SAMD13: variants seen among roughly 807,000 people sequenced by gnomAD.
SAMD13 encodes the protein sterile alpha motif domain-containing protein 13.
In SAMD13, 9 loss-of-function variants were observed where a neutral mutation model predicts 12.4. The ratio of observed to expected loss-of-function variants is 0.72; its 90% CI spans 0.44 to 1.26. The LOEUF (loss-of-function observed/expected upper bound fraction) is 1.26, where lower values mean the gene tolerates loss of function less well. Among genes scored for constraint, SAMD13 ranks in the 50% most tolerant of loss-of-function variants. The pLI, the probability that SAMD13 is intolerant of heterozygous loss-of-function variation, is 0.00. For synonymous variants in SAMD13, 46 were observed against 45.4 expected (o/e 1.01, Z -0.05); for missense variants, 84 against 119.6 (o/e 0.70, Z 1.39).
At chr1:84,317,024 T>C (rs1678848843) in intron 2 of SAMD13, among the ~76,000 whole-genome samples, 1 of 152,148 alleles carries the variant, frequency 6.6e-6, no homozygotes, top group Non-Finnish European at 1.5e-5. Context: ...TGTATAGAAA[T>C]GCAACTGATT....
At chr1:84,347,438 T>C (rs1007594881) in intron 3 of SAMD13, among the ~76,000 whole-genome samples, 8 of 152,226 alleles carry the variant, frequency 5.3e-5, no homozygotes, top group African/African-American at 1.9e-4. Flanking sequence ...TCAGCATTTT[T>C]CACAGGCATA....
At chr1:84,324,798 C>T (rs773986401) in intron 2 of SAMD13, among the ~76,000 whole-genome samples, 3 of 152,208 alleles carry the variant, frequency 2.0e-5, no homozygotes, top group African/African-American at 4.8e-5. Flanking sequence ...TTTCTTTATT[C>T]TACTTCTCCT....
At chr1:84,308,060 A>T (rs147769806) in intron 2 of SAMD13, among the ~76,000 whole-genome samples, 111 of 152,314 alleles carry the variant, frequency 7.3e-4, no homozygotes, top group Non-Finnish European at 1.2e-3. Flanking sequence ...TGCACAGCCT[A>T]AAAGCCTTCT....
chr1:84,348,342 A>C (rs1197315701), intron 3 of SAMD13, among the ~76,000 whole-genome samples: 1 of 152,190 alleles, frequency 6.6e-6, no homozygotes, highest in Non-Finnish European at 1.5e-5. Flanking sequence ...CAAGCAAGGC[A>C]CATGAGAGTT....
At chr1:84,298,640 C>T, upstream of SAMD13, 1 of 1,229,142 alleles carries the variant, frequency 8.1e-7, no homozygotes, top group Non-Finnish European at 1.0e-6. Context: ...TGAAAGGAAA[C>T]GAAGAATGCC....
chr1:84,326,483 A>G (rs1570246629), intron 3 of SAMD13, among the ~76,000 whole-genome samples: 1 of 152,098 alleles, frequency 6.6e-6, no homozygotes, highest in Non-Finnish European at 1.5e-5. Context: ...AGTCCATCCC[A>G]ATTGTCTAGG....
intron 2 of SAMD13, among the ~76,000 whole-genome samples, chr1:84,315,454 T>C (rs572626603): frequency 2.0e-5 from 3 of 152,230 alleles, no homozygotes; most frequent in Non-Finnish European, 4.4e-5. Context: ...TCTCATTGTA[T>C]GTATATACAG....
intron 2 of SAMD13, among the ~76,000 whole-genome samples, chr1:84,320,655 G>A (rs1678923712): frequency 6.6e-6 from 1 of 152,170 alleles, no homozygotes; most frequent in African/African-American, 2.4e-5. Flanking sequence ...TAAGACATGA[G>A]CAAAGAATAG....
intron 3 of SAMD13, among the ~76,000 whole-genome samples, chr1:84,329,521 G>T (rs1679130544): frequency 6.6e-6 from 1 of 152,168 alleles, no homozygotes; most frequent in South Asian, 2.1e-4. Context: ...AAGATGTCAG[G>T]CCATTGAGCA....
chr1:84,349,453 T>C (rs1348004701), intron 3 of SAMD13, among the ~76,000 whole-genome samples, 178 bp from the exon 4 acceptor site: 1 of 152,236 alleles, frequency 6.6e-6, no homozygotes, highest in Non-Finnish European at 1.5e-5. Context: ...AAAGTATAGC[T>C]AAAAGCTGTA....
At chr1:84,305,215 T>C (rs901261031) in intron 2 of SAMD13, among the ~76,000 whole-genome samples, 1 of 152,200 alleles carries the variant, frequency 6.6e-6, no homozygotes, top group South Asian at 2.1e-4. Flanking sequence ...TTAGACATTA[T>C]ATCAGGTGTT....
chr1:84,298,675 C>A, upstream of SAMD13: 1 of 1,057,084 alleles, frequency 9.5e-7, no homozygotes, highest in Non-Finnish European at 1.2e-6. Context: ...TCTGCCCTCC[C>A]AAAAACACAT....
At chr1:84,333,048 G>C (rs942013920) in intron 3 of SAMD13, among the ~76,000 whole-genome samples, 2 of 152,194 alleles carry the variant, frequency 1.3e-5, no homozygotes, top group African/African-American at 4.8e-5. Flanking sequence ...TAGATGTACA[G>C]CTTTATTTCT....
chr1:84,342,498 TAAAAAC>T lies in SAMD13; in HGVS notation c.166-7131_166-7126del, dbSNP rs546643715. On this transcript the variant is annotated intron_variant, in intron 3 of 3. Transcript: ENST00000394834. ...TAACCAAAACAGCATGGTATTGGTA[TAAAAAC>T]AGACACCTAGACCAATAGAACAGAA... Among the ~76,000 whole-genome samples the T allele has an allele frequency of 3.3e-3, 500 of 151,140 alleles. 3 individuals carry two copies. Among genetic ancestry groups the T allele is most frequent in the Admixed American group, 7.3e-3 (112 of 15,256 alleles).
rs115601291 is a variant in SAMD13 at position 84,329,326 on chromosome 1, A to G, written c.165+3578A>G. ...TTGTTTATGCTGCCCAATCTATGGTATCTTGTCCTAGCAGCCTGAACTGAC... is the reference window on the plus strand; with the variant it reads ...TTGTTTATGCTGCCCAATCTATGGTGTCTTGTCCTAGCAGCCTGAACTGAC... On this transcript the variant is annotated intron_variant, in intron 3 of 3. Coordinates refer to ENST00000394834, the MANE Select transcript of SAMD13 (RefSeq NM_001134663.2). Among the ~76,000 whole-genome samples, 978 of 152,274 alleles carry G rather than the reference A, an allele frequency of 6.4e-3. 13 individuals are homozygous for G. The highest frequency in any genetic ancestry group is 0.023 in the African/African-American group (939 of 41,564).
At chr1:84,307,430 C>G (rs897402887) in intron 2 of SAMD13, among the ~76,000 whole-genome samples, 15 of 152,190 alleles carry the variant, frequency 9.9e-5, no homozygotes, top group Admixed American at 3.3e-4. Context: ...CATATCCAAT[C>G]CTTCCTCTAG....
At chr1:84,338,233 T>C (rs532588539) in intron 3 of SAMD13, among the ~76,000 whole-genome samples, 1 of 152,218 alleles carries the variant, frequency 6.6e-6, no homozygotes, top group East Asian at 1.9e-4. Context: ...CTTACTGTAG[T>C]AGTCTATTTC....
chr1:84,349,750 G>A lies in SAMD13; in HGVS notation c.285G>A (p.Lys95=), dbSNP rs367937222. The part of the protein sequence containing the change: ...YEYHVKPLQT[K]HLKNNSS ...ATCATGTAAAACCTCTGCAGACAAA[G>A]CATTTAAAGAACAACTCTTCATAGT... Residue 95 remains lysine, a synonymous_variant, in exon 4 of 4, where the codon AAG becomes AAA. Coordinates refer to ENST00000394834, the MANE Select transcript of SAMD13 (RefSeq NM_001134663.2). 246 of 1,613,246 alleles carry A rather than the reference G, an allele frequency of 1.5e-4. No homozygotes were observed. The highest frequency in any genetic ancestry group is 2.0e-4 in the Non-Finnish European group (237 of 1,179,652).
At chr1:84,312,000 G>A (rs1678725601) in intron 2 of SAMD13, among the ~76,000 whole-genome samples, 1 of 152,088 alleles carries the variant, frequency 6.6e-6, no homozygotes, top group Non-Finnish European at 1.5e-5. Context: ...CTTAGGTTTT[G>A]TTAGAAAGAC....
Sources: gnomAD v4.1 joint callset for allele counts (sites outside exome capture counted in the v4.1 genomes callset) on GRCh38, gnomAD v4.1.1 for gene constraint, MANE v1.5 for transcripts, NCBI Gene and HGNC (gene_info 2026-07-23, HGNC 2026-07-21) for gene names.